EIF4G3: variants seen among roughly 807,000 people sequenced by gnomAD.
EIF4G3 encodes the protein eukaryotic translation initiation factor 4 gamma 3, also known as eIF-4-gamma 3.
A neutral mutation model predicts 186.4 loss-of-function variants in EIF4G3; 34 were observed. The ratio of observed to expected loss-of-function variants is 0.18; its 90% CI spans 0.14 to 0.24. The LOEUF is 0.24. Ranked by LOEUF, EIF4G3 falls within the 10% of genes least tolerant of loss-of-function variation. The pLI, the probability that EIF4G3 is intolerant of heterozygous loss-of-function variation, is 1.00. For synonymous variants in EIF4G3, 673 were observed against 679.5 expected, an observed-to-expected ratio of 0.99 and a Z score of 0.15; for missense variants, 1,536 against 1,948.5, an observed-to-expected ratio of 0.79 and a Z score of 3.99.
At chr1:20,866,984 G>A (rs889736595) in intron 20 of EIF4G3, among the ~76,000 whole-genome samples, 2 of 152,188 alleles carry the variant, frequency 1.3e-5, no homozygotes, top group African/African-American at 4.8e-5. Flanking sequence ...GATTTACTGT[G>A]TAGAAAAGAG....
intron 32 of EIF4G3, 83 bp downstream of exon 32, chr1:20,827,534 A>C: frequency 2.6e-6 from 2 of 781,948 alleles, no homozygotes. Flanking sequence ...CCTGAGACCT[A>C]AGCTATTCAC....
At chr1:21,052,808 C>T (rs1289520494) in intron 3 of EIF4G3, among the ~76,000 whole-genome samples, 1 of 152,188 alleles carries the variant, frequency 6.6e-6, no homozygotes, top group Admixed American at 6.5e-5. Flanking sequence ...GTCTCCAGCT[C>T]CTAACCGCGA....
At chr1:21,003,394 G>C (rs1368158161) in intron 4 of EIF4G3, among the ~76,000 whole-genome samples, 1 of 152,120 alleles carries the variant, frequency 6.6e-6, no homozygotes, top group Admixed American at 6.5e-5. Context: ...TGGGACTACA[G>C]GCAAGAGCTT....
chr1:20,925,958 C>T (rs1210000921), intron 14 of EIF4G3, among the ~76,000 whole-genome samples: 1 of 152,146 alleles, frequency 6.6e-6, no homozygotes, highest in African/African-American at 2.4e-5. Context: ...ACATTCTGTG[C>T]TTTTTGCTTT....
intron 13 of EIF4G3, among the ~76,000 whole-genome samples, chr1:20,948,695 A>G (rs1378387949): frequency 6.6e-6 from 1 of 152,094 alleles, no homozygotes; most frequent in Non-Finnish European, 1.5e-5. Flanking sequence ...TTTATGGGCC[A>G]TTCCTAAATA....
chr1:20,953,997 T>A (rs934035448), intron 12 of EIF4G3, among the ~76,000 whole-genome samples: 3 of 152,140 alleles, frequency 2.0e-5, no homozygotes, highest in Admixed American at 2.0e-4. Context: ...GGCTGCAAAG[T>A]CTAAAATATT....
Position 21,176,101 on chromosome 1 carries a change from T to G in EIF4G3, c.-272+74A>C, listed in dbSNP as rs956763303. The G allele has an allele frequency of 1.8e-5, 5 of 280,130 alleles. No individual in the cohort carries two copies. The South Asian group carries it at 4.0e-4, about 22-fold the overall frequency. The allele number at this position is 280,130 out of a possible 1,614,324, so 17.4% of individuals were successfully genotyped here. A position where few individuals can be genotyped will look rare whatever the true frequency, so the allele number is the denominator to read the frequency against. On this transcript the variant is annotated intron_variant, in intron 2 of 36. Transcript: ENST00000602326. ...TGGGCTGTGGCGGCCGGCAGGAGGG[T>G]CCCCTGGGCTGCGGGGTCCCCCTGG...
intron 29 of EIF4G3, among the ~76,000 whole-genome samples, chr1:20,843,356 A>G (rs1053220174): frequency 2.0e-5 from 3 of 151,916 alleles, no homozygotes; most frequent in African/African-American, 7.3e-5. Flanking sequence ...GTGTCTACCA[A>G]AAATACAAAA....
At chr1:20,952,828 C>T (rs546146521) in intron 12 of EIF4G3, among the ~76,000 whole-genome samples, 4 of 151,896 alleles carry the variant, frequency 2.6e-5, no homozygotes, top group East Asian at 1.9e-4. Context: ...CCAGCCTAGG[C>T]AACAAGAGCA....
At chr1:20,958,242 A>AC (rs1177509658) in intron 12 of EIF4G3, among the ~76,000 whole-genome samples, 1 of 152,208 alleles carries the variant, frequency 6.6e-6, no homozygotes, top group Non-Finnish European at 1.5e-5. Context: ...AGATGGTTTA[A>AC]CATATGTAAG....
chr1:20,970,663 A>G (rs886536835), intron 11 of EIF4G3, among the ~76,000 whole-genome samples: 2 of 149,756 alleles, frequency 1.3e-5, no homozygotes, highest in South Asian at 4.2e-4. Context: ...ACAGCCAGTA[A>G]AAAGAGTGAG....
At chr1:21,143,787 T>G (rs1259199602) in intron 2 of EIF4G3, among the ~76,000 whole-genome samples, 1 of 152,158 alleles carries the variant, frequency 6.6e-6, no homozygotes, top group Non-Finnish European at 1.5e-5. Flanking sequence ...CTGGGTGTGG[T>G]GGCATGTGCC....
chr1:20,988,003 T>G (rs942367320), intron 7 of EIF4G3, among the ~76,000 whole-genome samples: 5 of 152,226 alleles, frequency 3.3e-5, no homozygotes, highest in Non-Finnish European at 2.9e-5. Flanking sequence ...ATTGCTGATA[T>G]GGAGAAAGAG....
intron 3 of EIF4G3, among the ~76,000 whole-genome samples, chr1:21,085,283 T>C (rs967525833): frequency 2.6e-5 from 4 of 152,102 alleles, no homozygotes; most frequent in Non-Finnish European, 5.9e-5. Context: ...TTAGAAAACA[T>C]TATCGTATTT....
At chr1:21,040,367 T>C (rs2093494143) in intron 4 of EIF4G3, among the ~76,000 whole-genome samples, 1 of 152,208 alleles carries the variant, frequency 6.6e-6, no homozygotes, top group Non-Finnish European at 1.5e-5. Flanking sequence ...CCTTCCCCCA[T>C]ACCTTACCAT....
intron 4 of EIF4G3, chr1:21,003,868 T>C: frequency 3.4e-6 from 1 of 293,388 alleles, no homozygotes; most frequent in Admixed American, 4.8e-5. Context: ...AAGACTCTGG[T>C]GGTTACCTCT....
intron 14 of EIF4G3, among the ~76,000 whole-genome samples, chr1:20,909,778 ATTTTTTTT>A (rs35293207): frequency 3.9e-5 from 5 of 129,366 alleles, no homozygotes; most frequent in East Asian, 2.2e-4. Context: ...CAATCTGCTA[ATTTTTTTT>A]TTTTTTTTTT....
chr1:20,812,096 C>G (rs914981609), intron 35 of EIF4G3, among the ~76,000 whole-genome samples: 1 of 152,174 alleles, frequency 6.6e-6, no homozygotes, highest in African/African-American at 2.4e-5. Context: ...TGTAAGTTAT[C>G]ACTAAGACAC....
intron 4 of EIF4G3, among the ~76,000 whole-genome samples, chr1:21,017,354 C>T (rs1293372647): frequency 2.0e-5 from 3 of 151,916 alleles, no homozygotes; most frequent in African/African-American, 7.3e-5. Flanking sequence ...CTTGGCCGGG[C>T]GCAGTGGCTC....
Sources: allele counts gnomAD v4.1 joint callset (sites outside exome capture counted in the v4.1 genomes callset), GRCh38; gene constraint gnomAD v4.1.1; transcripts MANE v1.5; gene names NCBI Gene and HGNC (gene_info 2026-07-23, HGNC 2026-07-21).